TNS3: variants seen among roughly 807,000 people sequenced by gnomAD.
The protein encoded by TNS3 is tensin 3.
A neutral mutation model predicts 140.9 loss-of-function variants in TNS3; 45 were observed. The observed-to-expected ratio is 0.32, with a 90% CI of 0.25 to 0.41. The LOEUF is 0.41. Among genes scored for constraint, TNS3 ranks in the 10% least tolerant of loss-of-function variants. The pLI is 1.00. For missense variants in TNS3, 1,716 were observed against 1,906.7 expected (o/e 0.90, Z 1.86); for synonymous variants, 815 against 788.4 (o/e 1.03, Z -0.56).
chr7:47,392,448 T>G (rs1181805686), intron 16 of TNS3, among the ~76,000 whole-genome samples: 1 of 152,084 alleles, frequency 6.6e-6, no homozygotes, highest in Non-Finnish European at 1.5e-5. Flanking sequence ...GCGGCTTAAG[T>G]CAACATTTTT....
chr7:47,517,844 A>C (rs1012618114), intron 2 of TNS3, among the ~76,000 whole-genome samples: 7 of 152,224 alleles, frequency 4.6e-5, no homozygotes, highest in Non-Finnish European at 8.8e-5. Flanking sequence ...GGTCAAGAAA[A>C]GTCTGAAGAG....
At chr7:47,439,221 C>A (rs1345370064) in intron 6 of TNS3, among the ~76,000 whole-genome samples, 1 of 152,200 alleles carries the variant, frequency 6.6e-6, no homozygotes. Context: ...GGGGAGCCAG[C>A]CTCACTGATG....
Position 47,283,688 on chromosome 7 carries a change from G to A in TNS3, c.4097+9C>T, listed in dbSNP as rs781072219. 9 of 1,548,448 alleles carry A rather than the reference G, an allele frequency of 5.8e-6. No individual in the cohort carries two copies. Among genetic ancestry groups the A allele is most frequent in the Non-Finnish European group, 7.8e-6 (9 of 1,147,068 alleles). On this transcript the variant is annotated intron_variant, in intron 28 of 30. Transcript: ENST00000311160. Reference sequence around the variant, plus strand: ...GCTGGACGGCTCCTGCCTCCCTCTAGGCACTCACTTCCTCTGATTGTCTGT... The same window carrying A: ...GCTGGACGGCTCCTGCCTCCCTCTAAGCACTCACTTCCTCTGATTGTCTGT...
intron 1 of TNS3, among the ~76,000 whole-genome samples, chr7:47,569,291 C>T (rs537433307): frequency 3.9e-5 from 6 of 152,312 alleles, no homozygotes; most frequent in East Asian, 1.9e-4. Flanking sequence ...GCCTGTAATC[C>T]GAGCACTTTG....
intron 17 of TNS3, among the ~76,000 whole-genome samples, chr7:47,363,843 G>C (rs147138895): frequency 3.9e-4 from 59 of 152,286 alleles, no homozygotes; most frequent in African/African-American, 1.3e-3. Context: ...GTACCATTCT[G>C]GGCATGTCAT....
chr7:47,479,633 T>A (rs1019209309), intron 4 of TNS3, among the ~76,000 whole-genome samples: 1 of 152,188 alleles, frequency 6.6e-6, no homozygotes, highest in South Asian at 2.1e-4. Flanking sequence ...ATGTTTCTCA[T>A]AGTTTGTCAA....
At chr7:47,579,842 T>TCACTCA (rs1301746436) in intron 1 of TNS3, 1 of 985,308 alleles carries the variant, frequency 1.0e-6, no homozygotes, top group African/African-American at 1.7e-5. Context: ...CACTCACTGT[T>TCACTCA]CTTGCCATAC....
At chr7:47,575,493 G>A (rs1161447051) in intron 1 of TNS3, among the ~76,000 whole-genome samples, 1 of 152,084 alleles carries the variant, frequency 6.6e-6, no homozygotes, top group African/African-American at 2.4e-5. Flanking sequence ...AAACTATTTT[G>A]TAGAAAAATA....
At chr7:47,470,950 G>GT (rs546646512) in intron 4 of TNS3, among the ~76,000 whole-genome samples, 7,443 of 148,078 alleles carry the variant, frequency 0.05, 260 homozygotes, top group Non-Finnish European at 0.072. Context: ...TTTGTTTTTT[G>GT]TTTTTTTTTA....
intron 20 of TNS3, among the ~76,000 whole-genome samples, chr7:47,309,866 T>C (rs1786984761): frequency 6.6e-6 from 1 of 152,186 alleles, no homozygotes; most frequent in Non-Finnish European, 1.5e-5. Flanking sequence ...AAACTTCCAC[T>C]AAGGACAATT....
At position 47,297,076 on chromosome 7, in the gene TNS3, C is replaced by A; in HGVS notation, c.3676+6G>T. On this transcript the variant is annotated splice_donor_region_variant and intron_variant, in intron 24 of 30. Coordinates refer to ENST00000311160, the MANE Select transcript of TNS3 (RefSeq NM_022748.12). ...TGAACAGATCAATAGGGAGCAGTAA[C>A]CTTACCTTTCTTGTTCAGCTGCAGG... The A allele has an allele frequency of 6.2e-7, 1 of 1,614,050 alleles. No individual in the cohort carries two copies.
At chr7:47,475,692 A>C (rs1797170033) in intron 4 of TNS3, among the ~76,000 whole-genome samples, 1 of 152,250 alleles carries the variant, frequency 6.6e-6, no homozygotes, top group Non-Finnish European at 1.5e-5. Context: ...AATCGCTTGC[A>C]GAGTGTATGA....
At chr7:47,538,202 T>C (rs1158629602) in intron 1 of TNS3, among the ~76,000 whole-genome samples, 2 of 152,130 alleles carry the variant, frequency 1.3e-5, no homozygotes, top group African/African-American at 4.8e-5. Context: ...ATCCCTCCTT[T>C]CAATGCCTGT....
chr7:47,525,046 A>G (rs1799141298), intron 2 of TNS3, among the ~76,000 whole-genome samples: 1 of 152,172 alleles, frequency 6.6e-6, no homozygotes, highest in Non-Finnish European at 1.5e-5. Flanking sequence ...CTATTTCACC[A>G]GTGAGAAAAA....
At chr7:47,354,027 AC>A (rs1185806910) in intron 17 of TNS3, among the ~76,000 whole-genome samples, 1 of 151,706 alleles carries the variant, frequency 6.6e-6, no homozygotes, top group Non-Finnish European at 1.5e-5. Context: ...ACACACACAC[AC>A]ACACAAATTC....
intron 20 of TNS3, among the ~76,000 whole-genome samples, chr7:47,307,694 C>G (rs953016185): frequency 6.6e-6 from 1 of 152,208 alleles, no homozygotes; most frequent in African/African-American, 2.4e-5. Flanking sequence ...TTATTAATTA[C>G]TAATGATGTT....
chr7:47,541,562 A>G (rs1206933725), intron 1 of TNS3, among the ~76,000 whole-genome samples: 1 of 152,180 alleles, frequency 6.6e-6, no homozygotes, highest in African/African-American at 2.4e-5. Context: ...GGCAAACTGT[A>G]AACAACTTGG....
intron 4 of TNS3, among the ~76,000 whole-genome samples, chr7:47,462,870 G>A (rs953081245): frequency 6.6e-6 from 1 of 152,132 alleles, no homozygotes; most frequent in African/African-American, 2.4e-5. Flanking sequence ...GCCTATCATA[G>A]GTTCACAGAA....
At chr7:47,527,133 A>G (rs1048592753) in intron 2 of TNS3, among the ~76,000 whole-genome samples, 2 of 151,806 alleles carry the variant, frequency 1.3e-5, no homozygotes. Flanking sequence ...GCTGCTGGGG[A>G]GGCTGAGGCA....
Sources: allele counts gnomAD v4.1 joint callset (sites outside exome capture counted in the v4.1 genomes callset), GRCh38; gene constraint gnomAD v4.1.1; transcripts MANE v1.5; gene names NCBI Gene and HGNC (gene_info 2026-07-23, HGNC 2026-07-21).